The following PHKA1 variants were observed in gnomAD, a reference collection of about 807,000 sequenced individuals.
The protein encoded by PHKA1 is phosphorylase b kinase regulatory subunit alpha, skeletal muscle isoform.
PHKA1 carries 60 observed loss-of-function variants against 110.2 expected under a neutral mutation model. That is an observed-to-expected ratio of 0.54 (90% confidence interval 0.44 to 0.68). The LOEUF is 0.68. PHKA1 is among the 30% of genes least tolerant of loss of function. The pLI is 0.00. For synonymous variants in PHKA1, 316 were observed against 333.6 expected, an observed-to-expected ratio of 0.95 and a Z score of 0.58; for missense variants, 801 against 942.5, an observed-to-expected ratio of 0.85 and a Z score of 1.97.
In PHKA1 at chrX:72,714,194, C is replaced by T. The variant is rs2054429021; in HGVS notation, c.-314G>A. 1.1e-5 allele frequency: 3 copies of T among 282,259 alleles called. No homozygotes were observed. The highest frequency in any genetic ancestry group is 1.0e-4 in the Admixed American group (2 of 19,212). The allele number at this position is 282,259 out of a possible 1,213,427, so 23.3% of individuals were successfully genotyped here. A position where few individuals can be genotyped will look rare whatever the true frequency, so the allele number is the denominator to read the frequency against. ...CGGCCTCCGCGTGTGACTCCTGCATCCTCCCCTCAACCCCGGGAGACCGCC... is the reference window on the plus strand; with the variant it reads ...CGGCCTCCGCGTGTGACTCCTGCATTCTCCCCTCAACCCCGGGAGACCGCC... On this transcript the variant is annotated 5_prime_UTR_variant, in exon 1 of 32. Coordinates refer to ENST00000373542, the MANE Select transcript of PHKA1 (RefSeq NM_002637.4).
chrX:72,695,085 C>T (rs1322613454), intron 4 of PHKA1, among the ~76,000 whole-genome samples: 3 of 110,575 alleles, frequency 2.7e-5, no homozygotes, highest in Non-Finnish European at 5.7e-5. Flanking sequence ...GAATTCCCAC[C>T]CTGGATGCCC....
chrX:72,626,798 T>C (rs1556283187), intron 17 of PHKA1, among the ~76,000 whole-genome samples, 173 bp downstream of exon 17: 1 of 111,996 alleles, frequency 8.9e-6, no homozygotes, highest in African/African-American at 3.2e-5. Context: ...CTTATTGTAC[T>C]GTACTCACCT....
At chrX:72,590,659 C>G (rs1312299571) in intron 29 of PHKA1, among the ~76,000 whole-genome samples, 1 of 111,664 alleles carries the variant, frequency 9.0e-6, no homozygotes, top group Non-Finnish European at 1.9e-5. Context: ...TGCAATCTAC[C>G]CATCTGACAA....
intron 6 of PHKA1, among the ~76,000 whole-genome samples, chrX:72,673,448 T>C (rs2053732367): frequency 9.0e-6 from 1 of 111,415 alleles, no homozygotes; most frequent in Non-Finnish European, 1.9e-5. Context: ...GATTACAAAA[T>C]AAAAAGTAAA....
intron 6 of PHKA1, among the ~76,000 whole-genome samples, chrX:72,672,623 G>A (rs782309555): frequency 3.3e-4 from 37 of 111,985 alleles, no homozygotes; most frequent in Non-Finnish European, 5.5e-4. Flanking sequence ...ACGGCTTAAA[G>A]GCTCCACCTC....
At chrX:72,615,547 ATTG>A (rs1603256085) in intron 21 of PHKA1, among the ~76,000 whole-genome samples, 2 of 110,986 alleles carry the variant, frequency 1.8e-5, no homozygotes, top group African/African-American at 6.6e-5. Context: ...TCATAGTTAA[ATTG>A]TTAAGATTTT....
At chrX:72,640,284 C>A (rs782489394) in intron 14 of PHKA1, among the ~76,000 whole-genome samples, 2 of 111,185 alleles carry the variant, frequency 1.8e-5, no homozygotes, top group East Asian at 5.6e-4. Context: ...TGTCAGTATC[C>A]CTAATATATT....
In PHKA1 at chrX:72,593,284, G is replaced by T. The variant is rs1569424739; in HGVS notation, c.3073-10C>A. The T allele has an allele frequency of 1.7e-6, 2 of 1,171,681 alleles. No individual in the cohort carries two copies. Among genetic ancestry groups the T allele is most frequent in the Non-Finnish European group, 1.2e-6 (1 of 860,616 alleles). ...TAGAGGTTCCAGGTGACTTGGAAGA[G>T]GAGAGGAAAGAACATAAATCAAAAG... is the stretch of plus-strand genomic sequence containing the variant. On this transcript the variant is annotated splice_polypyrimidine_tract_variant and intron_variant, in intron 28 of 31. Coordinates refer to ENST00000373542, the MANE Select transcript of PHKA1 (RefSeq NM_002637.4).
intron 28 of PHKA1, chrX:72,599,806 C>T (rs1556239819): frequency 1.8e-6 from 1 of 546,728 alleles, no homozygotes; most frequent in South Asian, 2.5e-5. Context: ...GAGAAGATCA[C>T]AGCAGTTACC....
Position 72,594,139 on chromosome X carries a change from G to A in PHKA1, c.3073-865C>T, listed in dbSNP as rs138715045. On this transcript the variant is annotated intron_variant, in intron 28 of 31. Transcript: ENST00000373542. Reference sequence around the variant, plus strand: ...AAAGCACAACATAGCAAAACTTATGGGATGCAGCTAAAACAGCACTTAACG... The same window carrying A: ...AAAGCACAACATAGCAAAACTTATGAGATGCAGCTAAAACAGCACTTAACG... Among the ~76,000 whole-genome samples the A allele has an allele frequency of 3.2e-3, 357 of 110,698 alleles. 1 individual carries two copies. Among genetic ancestry groups the A allele is most frequent in the African/African-American group, 0.011 (344 of 30,542 alleles).
intron 16 of PHKA1, among the ~76,000 whole-genome samples, chrX:72,631,161 T>C (rs2069177150): frequency 9.1e-6 from 1 of 110,486 alleles, no homozygotes; most frequent in African/African-American, 3.3e-5. Context: ...TCCATTCAGT[T>C]CTTTGTATTT....
chrX:72,686,948 T>G (rs2053973755), intron 4 of PHKA1, among the ~76,000 whole-genome samples: 1 of 112,184 alleles, frequency 8.9e-6, no homozygotes, highest in African/African-American at 3.2e-5. Flanking sequence ...CAACACTGAC[T>G]GCCTGTTTCC....
At chrX:72,697,290 A>G (rs782561017) in intron 3 of PHKA1, 1 of 111,950 alleles carries the variant, frequency 8.9e-6, no homozygotes, top group Non-Finnish European at 1.9e-5. Context: ...TTCTGCTTAC[A>G]CTTAGAGTGC....
chrX:72,605,362 C>A lies in PHKA1; in HGVS notation c.2724G>T (p.Gln908His). ...GAAACATTTCAGCAAAGAGGCCAGG[C>A]TGGGTTCGCATATACATGGCTAGAT... ...MVYLAMYMRTQPGLFAEMFRL... is the reference protein window; with the variant it reads ...MVYLAMYMRTHPGLFAEMFRL... The change falls in exon 25 of 32, where the codon CAG (glutamine) becomes CAT (histidine). Residue 908 changes from glutamine (Q) to histidine (H), a missense_variant. Physicochemically the swap from Gln to His is conservative, Grantham distance 24. This residue lies in a region of PHKA1 where 502 missense variants were observed against 519.2 expected (regional missense o/e 0.97). Transcript: ENST00000373542. 1 of 1,207,394 alleles carries A rather than the reference C, an allele frequency of 8.3e-7. No homozygotes were observed. Among genetic ancestry groups the A allele is most frequent in the South Asian group, 1.8e-5 (1 of 56,892 alleles).
chrX:72,625,475 T>G (rs1373305431), intron 17 of PHKA1, among the ~76,000 whole-genome samples: 1 of 111,772 alleles, frequency 8.9e-6, no homozygotes, highest in Admixed American at 9.5e-5. Flanking sequence ...TATTCCATGG[T>G]GCATTATATA....
At chrX:72,597,238 C>T (rs980524371) in intron 28 of PHKA1, among the ~76,000 whole-genome samples, 4 of 112,192 alleles carry the variant, frequency 3.6e-5, no homozygotes, top group Non-Finnish European at 5.6e-5. Context: ...TCTCACCATT[C>T]CCAGAACTAA....
intron 6 of PHKA1, 47 bp downstream of exon 6, chrX:72,676,023 C>G: frequency 1.1e-6 from 1 of 945,375 alleles, no homozygotes; most frequent in South Asian, 2.0e-5. Context: ...AAAGGGATAC[C>G]AGACTTCCTC....
intron 12 of PHKA1, among the ~76,000 whole-genome samples, chrX:72,650,912 T>C (rs1338874736): frequency 9.0e-6 from 1 of 111,262 alleles, no homozygotes; most frequent in African/African-American, 3.3e-5. Context: ...GGAGACAAGG[T>C]CTCACTTATG....
chrX:72,644,320 T>C (rs1479736045), intron 14 of PHKA1, 42 bp downstream of exon 14: 2 of 1,188,227 alleles, frequency 1.7e-6, no homozygotes, highest in Non-Finnish European at 2.3e-6. Flanking sequence ...CAGCCTATAA[T>C]GAATAATGCT....
Sources: allele counts gnomAD v4.1 joint callset (sites outside exome capture counted in the v4.1 genomes callset), GRCh38; gene constraint gnomAD v4.1.1; regional missense constraint gnomAD v4.1.1; transcripts MANE v1.5; gene names NCBI Gene and HGNC (gene_info 2026-07-23, HGNC 2026-07-21).